The following SLC5A7 variants were observed in gnomAD, a reference collection of about 807,000 sequenced individuals.
SLC5A7 encodes high affinity choline transporter 1.
SLC5A7 carries 19 observed loss-of-function variants against 55.4 expected under a neutral mutation model. The ratio of observed to expected loss-of-function variants is 0.34; its 90% CI spans 0.24 to 0.50. The LOEUF (loss-of-function observed/expected upper bound fraction) is 0.50, where lower values mean the gene tolerates loss of function less well. SLC5A7 is among the 20% of genes least tolerant of loss of function. The pLI is 0.98. For missense variants in SLC5A7, 506 were observed against 705.3 expected, an observed-to-expected ratio of 0.72 and a Z score of 3.20; for synonymous variants, 265 against 263.7, an observed-to-expected ratio of 1.00 and a Z score of -0.05.
intron 5 of SLC5A7, among the ~76,000 whole-genome samples, chr2:107,999,470 G>C (rs1262408180): frequency 2.6e-5 from 4 of 152,176 alleles, no homozygotes. Flanking sequence ...CATAAATCAA[G>C]TATGCAAGTG....
At chr2:107,997,377 G>A (rs1454659638) in intron 4 of SLC5A7, among the ~76,000 whole-genome samples, 1 of 152,162 alleles carries the variant, frequency 6.6e-6, no homozygotes, top group African/African-American at 2.4e-5. Context: ...TGTGTAGTAG[G>A]TTACACCATC....
intron 2 of SLC5A7, among the ~76,000 whole-genome samples, chr2:107,989,425 A>G (rs1471409977): frequency 1.3e-5 from 2 of 152,232 alleles, no homozygotes; most frequent in Non-Finnish European, 2.9e-5. Context: ...TGAAACTTAC[A>G]GTGTTCTATG....
chr2:107,989,021 C>A (rs1234852290), intron 2 of SLC5A7, among the ~76,000 whole-genome samples: 2 of 152,186 alleles, frequency 1.3e-5, no homozygotes, highest in Non-Finnish European at 2.9e-5. Context: ...CTCATTCAAA[C>A]CTTCTTTGTG....
rs567686520 is a variant in SLC5A7, at chr2:108,007,269, G to A, written c.895+1067G>A. Among the ~76,000 whole-genome samples, 20 of 152,168 alleles carry A rather than the reference G, an allele frequency of 1.3e-4. No individual in the cohort carries two copies. The East Asian group carries it at 3.5e-3, about 26-fold the overall frequency. On this transcript the variant is annotated intron_variant, in intron 7 of 8. Coordinates refer to ENST00000264047, the MANE Select transcript of SLC5A7 (RefSeq NM_021815.5). ...TGTTCCTACAGCAACTTTGACTTTC[G>A]ATTAGTAGAGTCTTTTATTGGATTG...
intron 8 of SLC5A7, among the ~76,000 whole-genome samples, chr2:108,008,886 A>G (rs994865697): frequency 6.6e-6 from 1 of 151,268 alleles, no homozygotes; most frequent in African/African-American, 2.4e-5. Context: ...TGTCAATACT[A>G]AAGGGAACAA....
chr2:108,007,379 G>A (rs764062694), intron 7 of SLC5A7, among the ~76,000 whole-genome samples: 10 of 151,458 alleles, frequency 6.6e-5, no homozygotes, highest in Admixed American at 1.3e-4. Flanking sequence ...CTTCAAAAAT[G>A]TAAAGATGAC....
intron 1 of SLC5A7, among the ~76,000 whole-genome samples, chr2:107,987,850 T>C (rs920631422): frequency 2.6e-5 from 4 of 152,242 alleles, no homozygotes; most frequent in Non-Finnish European, 4.4e-5. Flanking sequence ...ACAAGGATTA[T>C]GATTCCATTT....
At chr2:108,009,761 G>T (rs1283023000) in intron 8 of SLC5A7, among the ~76,000 whole-genome samples, 1 of 152,128 alleles carries the variant, frequency 6.6e-6, no homozygotes, top group East Asian at 1.9e-4. Flanking sequence ...AAATAGTGCT[G>T]CAATAAACGT....
At position 108,008,556 on chromosome 2, in the gene SLC5A7, T is replaced by G; in HGVS notation, c.987T>G (p.Pro329=). The change falls in exon 8 of 9, where the codon CCT becomes CCG. Residue 329 remains proline (P), a synonymous_variant. Coordinates refer to ENST00000264047, the MANE Select transcript of SLC5A7 (RefSeq NM_021815.5). ...ILPIVLQYLC[P]VYISFFGLGA... is the part of the protein sequence containing the mutation. ...CAATTGTTCTGCAGTATCTCTGCCC[T>G]GTGTATATTTCTTTCTTTGGTCTTG... The G allele has an allele frequency of 6.2e-7, 1 of 1,613,604 alleles. No individual in the cohort carries two copies. Among genetic ancestry groups the G allele is most frequent in the Non-Finnish European group, 8.5e-7 (1 of 1,179,806 alleles).
In SLC5A7 at chr2:108,012,368, A is replaced by G. The variant is rs1678364943; in HGVS notation, c.*1507A>G. On this transcript the variant is annotated 3_prime_UTR_variant, in exon 9 of 9. Coordinates refer to ENST00000264047, the MANE Select transcript of SLC5A7 (RefSeq NM_021815.5). ...TTGAAACTAAAGCACTTCTTTTCCA[A>G]AAATACTTCTGCAACTCATGAACAA... 6.6e-6 allele frequency: 1 copy of G among 152,186 alleles called. No individual in the cohort carries two copies. The highest frequency in any genetic ancestry group is 1.5e-5 in the Non-Finnish European group (1 of 68,026). The allele number at this position is 152,186 out of a possible 1,614,324, so 9.4% of individuals were successfully genotyped here.
intron 4 of SLC5A7, among the ~76,000 whole-genome samples, chr2:107,995,326 A>G (rs1216145125): frequency 2.0e-5 from 3 of 152,202 alleles, no homozygotes; most frequent in Non-Finnish European, 4.4e-5. Flanking sequence ...TGATGGTAAC[A>G]TTATTACCTA....
chr2:108,008,236 C>T (rs2104378619), intron 7 of SLC5A7, among the ~76,000 whole-genome samples: 1 of 152,254 alleles, frequency 6.6e-6, no homozygotes, highest in Non-Finnish European at 1.5e-5. Context: ...ATATATCTTA[C>T]CACCAGTGTC....
Position 108,008,584 on chromosome 2 carries a change from G to A in SLC5A7, c.1015G>A (p.Ala339Thr). 3 of 1,613,406 alleles carry A rather than the reference G, an allele frequency of 1.9e-6. No individual in the cohort carries two copies. The highest frequency in any genetic ancestry group is 2.5e-6 in the Non-Finnish European group (3 of 1,179,794). Reference sequence around the variant, plus strand: ...GTATATTTCTTTCTTTGGTCTTGGTGCAGTTTCTGCTGCTGTTATGTCATC... The same window carrying A: ...GTATATTTCTTTCTTTGGTCTTGGTACAGTTTCTGCTGCTGTTATGTCATC... ...PVYISFFGLG[A>T]VSAAVMSSAD... Residue 339 changes from alanine to threonine, a missense_variant, in exon 8 of 9, where the codon GCA becomes ACA. Coordinates refer to ENST00000264047, the MANE Select transcript of SLC5A7 (RefSeq NM_021815.5).
At chr2:107,987,433 GGC>G (rs1677291403) in intron 1 of SLC5A7, among the ~76,000 whole-genome samples, 1 of 152,014 alleles carries the variant, frequency 6.6e-6, no homozygotes, top group South Asian at 2.1e-4. Flanking sequence ...AAGGATATTG[GGC>G]GAAGAAGATC....
chr2:108,010,096 GT>G (rs34200685), intron 8 of SLC5A7, 135 bp from the exon 9 acceptor site: 21 of 1,097,674 alleles, frequency 1.9e-5, no homozygotes, highest in Non-Finnish European at 2.4e-5. Context: ...GCTGTAGTTG[GT>G]TTTTCCCATA....
intron 8 of SLC5A7, 131 bp from the exon 9 acceptor site, chr2:108,010,101 T>C: frequency 8.8e-7 from 1 of 1,135,294 alleles, no homozygotes; most frequent in Non-Finnish European, 1.2e-6. Flanking sequence ...AGTTGGTTTT[T>C]CCCATAGATT....
Position 108,013,726 on chromosome 2 carries a change from T to TTTTGATTTTTTG in SLC5A7, c.*2871_*2872insTTTTTGTTTGAT, listed in dbSNP as rs1678427878. ...GAAAACATATATTTTATTTTCATAC[T>TTTTGATTTTTTG]TTTGATATGATTGTAACATATTTCT... On this transcript the variant is annotated 3_prime_UTR_variant, in exon 9 of 9. Transcript: ENST00000264047. 6.6e-6 allele frequency: 1 copy of TTTTGATTTTTTG among 152,188 alleles called. No individual in the cohort carries two copies. Among genetic ancestry groups the TTTTGATTTTTTG allele is most frequent in the South Asian group, 2.1e-4 (1 of 4,828 alleles). 9.4% of individuals were successfully genotyped at this position (152,188 alleles called of 1,614,324 possible). A position where few individuals can be genotyped will look rare whatever the true frequency, so the allele number is the denominator to read the frequency against.
intron 8 of SLC5A7, 120 bp from the exon 9 acceptor site, chr2:108,010,112 G>A: frequency 8.1e-7 from 1 of 1,231,190 alleles, no homozygotes; most frequent in South Asian, 1.6e-5. Flanking sequence ...CCCATAGATT[G>A]AGCCATTTGA....
At position 108,010,133 on chromosome 2, in the gene SLC5A7, T is replaced by G. The variant is rs1678261974; in HGVS notation, c.1114-99T>G. On this transcript the variant is annotated intron_variant, in intron 8 of 8. Transcript: ENST00000264047. ...GATTGAGCCATTTGAACCAGGAGAA[T>G]TCTTTAGACCAGTTTTGAAGCAAAA... 28 of 1,413,334 alleles carry G rather than the reference T, an allele frequency of 2.0e-5. No individual in the cohort carries two copies. In the South Asian group the frequency reaches 3.9e-4, roughly 19 times the overall value. 87.5% of individuals were successfully genotyped at this position (1,413,334 alleles called of 1,614,324 possible). A position where few individuals can be genotyped will look rare whatever the true frequency, so the allele number is the denominator to read the frequency against.
Sources: gnomAD v4.1 joint callset for allele counts (sites outside exome capture counted in the v4.1 genomes callset) on GRCh38, gnomAD v4.1.1 for gene constraint, MANE v1.5 for transcripts, NCBI Gene and HGNC (gene_info 2026-07-23, HGNC 2026-07-21) for gene names.